Variants in PLAC1 observed in about 807,000 individuals in gnomAD.
PLAC1 encodes placenta-specific protein 1.
For missense variants in PLAC1, 136 were observed against 163.2 expected, an observed-to-expected ratio of 0.83 and a Z score of 0.91; for synonymous variants, 68 against 62.1, an observed-to-expected ratio of 1.09 and a Z score of -0.44.
intron 1 of PLAC1, among the ~76,000 whole-genome samples, chrX:134,735,996 G>A (rs2078702204): frequency 9.1e-6 from 1 of 109,670 alleles, no homozygotes; most frequent in Non-Finnish European, 1.9e-5. Context: ...GAAGTAAAGG[G>A]GCTGGGCGCG....
intron 1 of PLAC1, among the ~76,000 whole-genome samples, chrX:134,656,691 C>T (rs1490185931): frequency 9.0e-6 from 1 of 111,069 alleles, no homozygotes; most frequent in Non-Finnish European, 1.9e-5. Context: ...CTCAAGTGAT[C>T]CTCCCATCTC....
At chrX:134,576,205 AT>A (rs1263858841) in intron 2 of PLAC1, among the ~76,000 whole-genome samples, 1 of 108,338 alleles carries the variant, frequency 9.2e-6, no homozygotes, top group Admixed American at 1.0e-4. Flanking sequence ...TATATATTCT[AT>A]ATAGCTAGAT....
intron 2 of PLAC1, among the ~76,000 whole-genome samples, chrX:134,719,228 C>T (rs758954663): frequency 1.8e-5 from 2 of 111,580 alleles, no homozygotes; most frequent in African/African-American, 6.5e-5. Flanking sequence ...GTTGAAATGG[C>T]GAATTTTATG....
intron 2 of PLAC1, among the ~76,000 whole-genome samples, chrX:134,584,526 G>A (rs984461319): frequency 1.8e-5 from 2 of 110,752 alleles, no homozygotes; most frequent in Admixed American, 1.9e-4. Flanking sequence ...AGCATTGAAC[G>A]TGCACGCTGA....
intron 1 of PLAC1, among the ~76,000 whole-genome samples, chrX:134,649,729 C>T (rs1379425445): frequency 1.8e-5 from 2 of 112,376 alleles, no homozygotes; most frequent in African/African-American, 6.5e-5. Context: ...CTAGCCTAGG[C>T]AAACATGTGT....
At chrX:134,579,599 C>T (rs1011021875) in intron 2 of PLAC1, among the ~76,000 whole-genome samples, 6 of 111,269 alleles carry the variant, frequency 5.4e-5, no homozygotes, top group Non-Finnish European at 7.5e-5. Context: ...CTGAGAGAAG[C>T]TCTAAGATGG....
At chrX:134,742,076 T>C (rs1294886112) in intron 1 of PLAC1, among the ~76,000 whole-genome samples, 1 of 112,338 alleles carries the variant, frequency 8.9e-6, no homozygotes, top group Non-Finnish European at 1.9e-5. Context: ...TCCACCCTCA[T>C]GCAGTCAGTT....
intron 2 of PLAC1, among the ~76,000 whole-genome samples, chrX:134,680,555 A>AAACTG (rs1314447911): frequency 1.3e-5 from 1 of 77,259 alleles, no homozygotes; most frequent in Non-Finnish European, 2.8e-5. Flanking sequence ...GAACTAAACT[A>AAACTG]AACTAAACTA....
chrX:134,708,890 TAC>T (rs980809631), intron 2 of PLAC1, among the ~76,000 whole-genome samples: 1 of 111,284 alleles, frequency 9.0e-6, no homozygotes, highest in African/African-American at 3.3e-5. Flanking sequence ...TAGAATTATA[TAC>T]ACACATATTG....
chrX:134,708,047 C>A (rs1310662066), intron 2 of PLAC1, among the ~76,000 whole-genome samples: 1 of 111,365 alleles, frequency 9.0e-6, no homozygotes, highest in Non-Finnish European at 1.9e-5. Flanking sequence ...CACAGGAAGG[C>A]AAGAAAATGA....
intron 2 of PLAC1, among the ~76,000 whole-genome samples, chrX:134,591,371 A>G (rs760873908): frequency 2.4e-4 from 27 of 112,624 alleles, no homozygotes; most frequent in Middle Eastern, 4.6e-3. Context: ...TTCTTTTGCC[A>G]ATTTGTCTTT....
At chrX:134,573,976 A>T in intron 2 of PLAC1, among the ~76,000 whole-genome samples, 1 of 111,305 alleles carries the variant, frequency 9.0e-6, no homozygotes, top group Non-Finnish European at 1.9e-5. Flanking sequence ...GCGAGCCTAC[A>T]ATTTGGGAGG....
chrX:134,744,012 G>A (rs12391771), intron 1 of PLAC1, among the ~76,000 whole-genome samples: 3,854 of 111,968 alleles, frequency 0.034, 157 homozygotes, highest in African/African-American at 0.12. Context: ...GGCCGGGCGC[G>A]GTGGCTCACG....
At chrX:134,653,529 A>G (rs1188960802) in intron 1 of PLAC1, among the ~76,000 whole-genome samples, 1 of 111,541 alleles carries the variant, frequency 9.0e-6, no homozygotes, top group Non-Finnish European at 1.9e-5. Flanking sequence ...CTAAAATGAC[A>G]TTGGGCCTTG....
At chrX:134,599,871 C>G (rs191127293) in intron 2 of PLAC1, among the ~76,000 whole-genome samples, 3 of 111,548 alleles carry the variant, frequency 2.7e-5, no homozygotes, top group African/African-American at 9.8e-5. Flanking sequence ...TTTGTGGTAT[C>G]TTAAAGCCAT....
intron 2 of PLAC1, among the ~76,000 whole-genome samples, chrX:134,679,186 T>C (rs2078485278): frequency 8.9e-6 from 1 of 111,783 alleles, no homozygotes; most frequent in Non-Finnish European, 1.9e-5. Context: ...TGCAATATTG[T>C]CTAATGCAAG....
chrX:134,655,146 C>CTGT (rs765273046), intron 1 of PLAC1, among the ~76,000 whole-genome samples: 5 of 111,196 alleles, frequency 4.5e-5, no homozygotes, highest in South Asian at 7.8e-4. Context: ...CCCTTTTTTA[C>CTGT]TGTTGTTGTT....
At chrX:134,586,674 T>C (rs945941183) in intron 2 of PLAC1, among the ~76,000 whole-genome samples, 20 of 98,987 alleles carry the variant, frequency 2.0e-4, no homozygotes, top group African/African-American at 6.6e-4. Flanking sequence ...TCTTTTCTTT[T>C]TTTTTTTTTT....
intron 1 of PLAC1, among the ~76,000 whole-genome samples, chrX:134,627,024 A>T (rs1236099855): frequency 9.1e-6 from 1 of 110,197 alleles, no homozygotes. Context: ...CTTGGGTGAC[A>T]GAGTGAGACC....
Sources: allele counts gnomAD v4.1 joint callset (sites outside exome capture counted in the v4.1 genomes callset), GRCh38; gene constraint gnomAD v4.1.1; transcripts MANE v1.5; gene names NCBI Gene and HGNC (gene_info 2026-07-23, HGNC 2026-07-21).